CLASRP: variants seen among roughly 807,000 people sequenced by gnomAD.
The protein encoded by CLASRP is CLK4 associating serine/arginine rich protein.
A neutral mutation model predicts 99.9 loss-of-function variants in CLASRP; 52 were observed. The observed-to-expected ratio is 0.52, with a 90% confidence interval of 0.42 to 0.66. The LOEUF is 0.66. Ranked by LOEUF, CLASRP falls within the 30% of genes least tolerant of loss-of-function variation. The pLI is 0.00. For synonymous variants in CLASRP, 379 were observed against 373.0 expected (o/e 1.02, Z -0.18); for missense variants, 848 against 999.2 (o/e 0.85, Z 2.04).
chr19:45,054,621 C>T (rs1302494204), intron 5 of CLASRP, among the ~76,000 whole-genome samples: 1 of 152,204 alleles, frequency 6.6e-6, no homozygotes. Flanking sequence ...TCCACGTGTC[C>T]TTAACCACTG....
rs752813945 is a variant in CLASRP, at chr19:45,062,239, C to T, written c.905+44C>T. The T allele has an allele frequency of 6.4e-6, 7 of 1,098,314 alleles. No individual in the cohort carries two copies. In the East Asian group the frequency reaches 7.0e-5, roughly 11 times the overall value. 68.0% of individuals were successfully genotyped at this position (1,098,314 alleles called of 1,614,324 possible). ...CCAGGGAATAGCAGACAGGGAGCCT[C>T]CTGATGGGGACAGGGGTGCTGAGGA... On this transcript the variant is annotated intron_variant, in intron 11 of 20. Transcript: ENST00000221455.
intron 2 of CLASRP, among the ~76,000 whole-genome samples, chr19:45,049,856 A>G (rs1040256434): frequency 6.6e-6 from 1 of 152,162 alleles, no homozygotes; most frequent in Non-Finnish European, 1.5e-5. Flanking sequence ...ATGAATGAAT[A>G]TTAGGTCCAG....
rs1966904223 is a variant in CLASRP at position 45,060,033 on chromosome 19, A to G, written c.711-356A>G. Among the ~76,000 whole-genome samples the G allele has an allele frequency of 6.6e-6, 1 of 152,128 alleles. No homozygotes were observed. Among genetic ancestry groups the G allele is most frequent in the African/African-American group, 2.4e-5 (1 of 41,424 alleles). On this transcript the variant is annotated intron_variant, in intron 8 of 20. Coordinates refer to ENST00000221455, the MANE Select transcript of CLASRP (RefSeq NM_007056.3). The surrounding 1 kb of genome is among the most constrained non-coding windows in gnomAD (Gnocchi z 4.6). The stretch of plus-strand genomic sequence containing the variant: ...AGCTTGCTCCCCCAGGTTTTTCTCT[A>G]GATACCCTGTTTTGTGTGGCTTCCC...
Position 45,052,912 on chromosome 19 carries a change from G to A in CLASRP, c.299+20G>A, listed in dbSNP as rs749114512. 3 of 1,589,420 alleles carry A rather than the reference G, an allele frequency of 1.9e-6. No individual in the cohort carries two copies. The highest frequency in any genetic ancestry group is 1.1e-5 in the South Asian group (1 of 88,702). On this transcript the variant is annotated intron_variant, in intron 4 of 20. Coordinates refer to ENST00000221455, the MANE Select transcript of CLASRP (RefSeq NM_007056.3). The stretch of plus-strand genomic sequence containing the variant: ...CACCATGTAAGCCACCTCCCAGGGG[G>A]TTGCCAGGCACAGCGTCATACCCAG...
chr19:45,041,784 C>T (rs976958868), intron 2 of CLASRP, among the ~76,000 whole-genome samples: 4 of 152,242 alleles, frequency 2.6e-5, no homozygotes, highest in African/African-American at 9.6e-5. Context: ...CTTTGCCCTT[C>T]CTCCAGACTC....
intron 2 of CLASRP, among the ~76,000 whole-genome samples, chr19:45,041,683 C>T (rs1450072965): frequency 4.6e-5 from 7 of 152,182 alleles, no homozygotes; most frequent in Admixed American, 1.3e-4. Context: ...CCTGTCCCTT[C>T]GTTGCTCAGA....
rs565600159 is a variant in CLASRP, at chr19:45,063,436, C to CTTT, written c.906-551_906-549dup. Reference sequence around the variant, plus strand: ...GTGTTTTGTACAGAGATCTGCTTATCTTTTTTTTTTTTTTTTTTTTTTTTT... The same window carrying CTTT: ...GTGTTTTGTACAGAGATCTGCTTATCTTTTTTTTTTTTTTTTTTTTTTTTTTTT... On this transcript the variant is annotated intron_variant, in intron 11 of 20. Coordinates refer to ENST00000221455, the MANE Select transcript of CLASRP (RefSeq NM_007056.3). 1.5e-3 allele frequency among the ~76,000 whole-genome samples: 64 copies of CTTT among 42,388 alleles called. 17 individuals carry two copies. Among genetic ancestry groups the CTTT allele is most frequent in the Non-Finnish European group, 2.3e-3 (50 of 21,838 alleles). The allele number at this position is 42,388 out of a possible 152,430, so 27.8% of individuals were successfully genotyped here.
chr19:45,056,592 CCAGGCATGG>C, intron 6 of CLASRP, 58 bp downstream of exon 6: 1 of 1,360,720 alleles, frequency 7.3e-7, no homozygotes, highest in Non-Finnish European at 1.1e-6. Context: ...GGAGCCCCAG[CCAGGCATGG>C]CCTCTTCCAT....
At chr19:45,047,436 G>C (rs1333294501) in intron 2 of CLASRP, 20 of 143,934 alleles carry the variant, frequency 1.4e-4, no homozygotes, top group East Asian at 8.0e-4. Flanking sequence ...AAAAAACAGA[G>C]AGAGAGAGGA....
Position 45,070,915 on chromosome 19 carries a change from A to C in CLASRP, c.*70A>C, listed in dbSNP as rs1967230752. ...CTCAAGCTGTGATGCTGCTGGTTTT[A>C]TCTCTAGTGAAATAAAGTCAAAAGT... On this transcript the variant is annotated 3_prime_UTR_variant, in exon 21 of 21. Coordinates refer to ENST00000221455, the MANE Select transcript of CLASRP (RefSeq NM_007056.3). 2 of 954,078 alleles carry C rather than the reference A, an allele frequency of 2.1e-6. No individual in the cohort carries two copies. Among genetic ancestry groups the C allele is most frequent in the Non-Finnish European group, 3.2e-6 (2 of 617,806 alleles). 59.1% of individuals were successfully genotyped at this position (954,078 alleles called of 1,614,324 possible).
chr19:45,049,951 G>A (rs891237968), intron 2 of CLASRP, among the ~76,000 whole-genome samples: 1 of 152,206 alleles, frequency 6.6e-6, no homozygotes, highest in Non-Finnish European at 1.5e-5. Flanking sequence ...TCTCAATAAA[G>A]CCACAGAGTG....
At chr19:45,069,580 C>G (rs1227529996) in intron 18 of CLASRP, 1 of 517,418 alleles carries the variant, frequency 1.9e-6, no homozygotes, top group Non-Finnish European at 3.5e-6. Flanking sequence ...TCTCCTGTCC[C>G]AGCCTCAGTT....
intron 1 of CLASRP, chr19:45,039,943 C>T (rs1431673843): frequency 3.1e-6 from 1 of 322,210 alleles, no homozygotes; most frequent in Admixed American, 4.1e-5. Flanking sequence ...ACACCCCTTT[C>T]CCAGTGATGC....
intron 5 of CLASRP, among the ~76,000 whole-genome samples, chr19:45,056,030 T>G (rs970010180): frequency 6.6e-6 from 1 of 151,996 alleles, no homozygotes; most frequent in African/African-American, 2.4e-5. Flanking sequence ...CACACCTAAC[T>G]TAAAATGAGC....
At chr19:45,059,216 C>G (rs1327736454) in intron 7 of CLASRP, 52 bp from the exon 8 acceptor site, 6 of 1,493,470 alleles carry the variant, frequency 4.0e-6, no homozygotes, top group African/African-American at 1.4e-5. Context: ...TGCCCCTTCT[C>G]CCCTGTCCTC....
At chr19:45,045,588 T>G (rs956750560) in intron 2 of CLASRP, among the ~76,000 whole-genome samples, 5 of 152,172 alleles carry the variant, frequency 3.3e-5, no homozygotes, top group Non-Finnish European at 5.9e-5. Context: ...AGTAGTCTTA[T>G]GAACAGCCGT....
intron 1 of CLASRP, chr19:45,039,975 G>A: frequency 2.5e-6 from 1 of 407,006 alleles, no homozygotes; most frequent in Non-Finnish European, 4.6e-6. Flanking sequence ...TCACCTGAGG[G>A]TTTTTCAGAA....
chr19:45,064,613 GC>G lies in CLASRP; in HGVS notation c.1396del (p.Arg466GlyfsTer43), dbSNP rs1167228338. 3.9e-6 allele frequency: 6 copies of G among 1,551,912 alleles called. No homozygotes were observed. The highest frequency in any genetic ancestry group is 1.9e-5 in the Admixed American group (1 of 53,520). On this transcript the variant is annotated frameshift_variant, in exon 13 of 21. Coordinates refer to ENST00000221455, the MANE Select transcript of CLASRP (RefSeq NM_007056.3). LOFTEE classifies it high-confidence loss of function. The part of the protein sequence containing the change: ...RSPARRGGYG[P>X]RRRSRSRSHS... ...CGCCCGCCCGGCGTGGTGGTTACGG[GC>G]CCCGGCGCAGAAGCAGGTGTGTGTG...
intron 15 of CLASRP, 142 bp from the exon 16 acceptor site, chr19:45,068,278 G>A (rs1967140140): frequency 1.5e-6 from 1 of 667,538 alleles, no homozygotes; most frequent in Admixed American, 2.2e-5. Context: ...CCTCAGGGCT[G>A]TCCACAGCCT....
Sources: allele counts gnomAD v4.1 joint callset (sites outside exome capture counted in the v4.1 genomes callset), GRCh38; gene constraint gnomAD v4.1.1; non-coding constraint Gnocchi (gnomAD v3.1); transcripts MANE v1.5; gene names NCBI Gene and HGNC (gene_info 2026-07-23, HGNC 2026-07-21).